DNAH3: variants seen among roughly 807,000 people sequenced by gnomAD.
The protein encoded by DNAH3 is dynein axonemal heavy chain 3, also known as axonemal beta dynein heavy chain 3.
A neutral mutation model predicts 432.5 loss-of-function variants in DNAH3; 332 were observed. That is an observed-to-expected ratio of 0.77 (90% CI 0.70 to 0.84). The LOEUF (loss-of-function observed/expected upper bound fraction) is 0.84, where lower values mean the gene tolerates loss of function less well. Among genes scored for constraint, DNAH3 ranks in the 40% least tolerant of loss-of-function variants. The pLI is 0.00. For missense variants in DNAH3, 4,861 were observed against 5,114.0 expected (o/e 0.95, Z 1.51); for synonymous variants, 1,956 against 1,900.2 (o/e 1.03, Z -0.76).
At chr16:20,955,128 A>G in intron 54 of DNAH3, 71 bp from the exon 55 acceptor site, 1 of 1,462,180 alleles carries the variant, frequency 6.8e-7, no homozygotes, top group Non-Finnish European at 9.2e-7. Context: ...AACAAAAACA[A>G]AACAATAACA....
At chr16:21,036,675 C>G (rs2089186309) in intron 35 of DNAH3, 39 bp downstream of exon 35, 1 of 1,595,802 alleles carries the variant, frequency 6.3e-7, no homozygotes. Flanking sequence ...CTTCAGCAAA[C>G]AGTAAAACAG....
At chr16:21,049,990 G>A in exon 30 of DNAH3, 1 of 1,614,192 alleles carries the variant, frequency 6.2e-7, no homozygotes, top group Non-Finnish European at 8.5e-7. Context: ...GCACCCCCAA[G>A]GTTCAGCTTC....
chr16:21,158,832 G>C (rs1245708767), intron 1 of DNAH3: 1 of 161,454 alleles, frequency 6.2e-6, no homozygotes, highest in South Asian at 1.6e-4. Flanking sequence ...GGAGGAGCGC[G>C]GGGGCGACGG....
At position 21,087,678 on chromosome 16, in the gene DNAH3, G is replaced by A. The variant is rs550636426; in HGVS notation, c.2666-618C>T. ...AGAGGGAGGCTGAGGCAGGCAGATT[G>A]TTTGAGGTCAGGAATTCAAGACCAG... On this transcript the variant is annotated intron_variant, in intron 18 of 61. Coordinates refer to ENST00000261383, the Ensembl canonical transcript of DNAH3. Among the ~76,000 whole-genome samples, 94 of 152,272 alleles carry A rather than the reference G, an allele frequency of 6.2e-4. 1 individual carries two copies. The highest frequency in any genetic ancestry group is 2.2e-3 in the African/African-American group (92 of 41,556).
intron 19 of DNAH3, 117 bp downstream of exon 19, chr16:21,086,732 T>C (rs529921034): frequency 4.5e-6 from 4 of 894,750 alleles, no homozygotes; most frequent in East Asian, 4.8e-5. Context: ...TGCCCTTAAA[T>C]AGAGTCTCCT....
At chr16:21,149,198 C>T (rs1026264175) in intron 1 of DNAH3, among the ~76,000 whole-genome samples, 3 of 147,198 alleles carry the variant, frequency 2.0e-5, no homozygotes, top group African/African-American at 7.6e-5. Flanking sequence ...CACTGCACTC[C>T]AGCCTGGATA....
At chr16:21,092,698 C>CAAA (rs61277332) in intron 18 of DNAH3, among the ~76,000 whole-genome samples, 128 of 11,530 alleles carry the variant, frequency 0.011, 27 homozygotes, top group Non-Finnish European at 0.013. Flanking sequence ...AAAATATTTG[C>CAAA]AAAAAAAAAA....
At chr16:21,020,460 T>C (rs2088146588) in intron 40 of DNAH3, among the ~76,000 whole-genome samples, 1 of 128,962 alleles carries the variant, frequency 7.8e-6, no homozygotes, top group African/African-American at 3.0e-5. Context: ...TGGAGTGCAG[T>C]GGCACAATCT....
chr16:21,142,089 G>A (rs1046522111), intron 3 of DNAH3, among the ~76,000 whole-genome samples: 3 of 149,126 alleles, frequency 2.0e-5, no homozygotes, highest in Non-Finnish European at 4.5e-5. Context: ...AAAATAGGCC[G>A]GACACGGTGG....
chr16:20,946,227 T>C (rs933919626), intron 57 of DNAH3, among the ~76,000 whole-genome samples: 2 of 152,198 alleles, frequency 1.3e-5, no homozygotes, highest in African/African-American at 4.8e-5. Flanking sequence ...ATCTGCATGA[T>C]AAAACTTGGG....
chr16:20,959,326 G>C (rs1567528917), exon 54 of DNAH3: 1 of 1,614,200 alleles, frequency 6.2e-7, no homozygotes, highest in South Asian at 1.1e-5. Context: ...GGCAGCAATA[G>C]GGCCTTGGCC....
chr16:20,981,342 G>A (rs2085887917), intron 49 of DNAH3, among the ~76,000 whole-genome samples: 1 of 152,158 alleles, frequency 6.6e-6, no homozygotes, highest in South Asian at 2.1e-4. Context: ...GGGTCTTCTG[G>A]TCTAGATAAT....
At chr16:21,098,573 AGAC>A in intron 17 of DNAH3, 40 bp downstream of exon 17, 1 of 1,559,044 alleles carries the variant, frequency 6.4e-7, no homozygotes, top group African/African-American at 1.4e-5. Flanking sequence ...CAGAACCAAT[AGAC>A]CAGTACAGTG....
chr16:20,958,315 C>T (rs1325700766), intron 54 of DNAH3, among the ~76,000 whole-genome samples: 2 of 152,000 alleles, frequency 1.3e-5, no homozygotes, highest in Non-Finnish European at 2.9e-5. Flanking sequence ...TTCAAGCAAT[C>T]CACCTGTCTC....
chr16:20,955,143 C>T, intron 54 of DNAH3, 86 bp from the exon 55 acceptor site: 2 of 1,356,166 alleles, frequency 1.5e-6, no homozygotes, highest in South Asian at 3.1e-5. Flanking sequence ...ATAACAATAA[C>T]AAAACAGACC....
At chr16:21,034,010 T>C (rs1158567932) in exon 36 of DNAH3, 2 of 1,613,752 alleles carry the variant, frequency 1.2e-6, no homozygotes, top group Admixed American at 1.7e-5. Flanking sequence ...GCCAACACTT[T>C]ATAAGCAGAG....
rs1273306812 is a variant in DNAH3, at chr16:20,941,384, T to C, written c.11654+17A>G. 5.6e-6 allele frequency: 9 copies of C among 1,613,486 alleles called. No individual in the cohort carries two copies. Among genetic ancestry groups the C allele is most frequent in the Non-Finnish European group, 7.6e-6 (9 of 1,179,762 alleles). ...ACGTTCCAACTCCCAGGATTCAAGC[T>C]ACATCATCTGGCCCACCTGTTGAAT... is the stretch of plus-strand genomic sequence containing the variant. On this transcript the variant is annotated intron_variant, in intron 59 of 61. Coordinates refer to ENST00000261383, the Ensembl canonical transcript of DNAH3.
exon 3 of DNAH3, chr16:21,145,313 G>A: frequency 6.2e-7 from 1 of 1,614,154 alleles, no homozygotes; most frequent in Non-Finnish European, 8.5e-7. Context: ...GAATCACTGG[G>A]TCCACGGTGG....
chr16:21,035,632 C>T (rs936702828), intron 35 of DNAH3, among the ~76,000 whole-genome samples: 6 of 151,878 alleles, frequency 4.0e-5, no homozygotes, highest in African/African-American at 1.5e-4. Context: ...GCGTACGTTT[C>T]GTTCAATTTT....
Sources: allele counts gnomAD v4.1 joint callset (sites outside exome capture counted in the v4.1 genomes callset), GRCh38; gene constraint gnomAD v4.1.1; transcripts MANE v1.5; gene names NCBI Gene and HGNC (gene_info 2026-07-23, HGNC 2026-07-21).